The following CNBD1 variants were observed in gnomAD, a reference collection of about 807,000 sequenced individuals.
The protein encoded by CNBD1 is cyclic nucleotide-binding domain-containing protein 1.
CNBD1 carries 71 observed loss-of-function variants against 54.4 expected under a neutral mutation model. The ratio of observed to expected loss-of-function variants is 1.30; its 90% CI spans 1.08 to 1.59. The LOEUF (loss-of-function observed/expected upper bound fraction) is 1.59, where lower values mean the gene tolerates loss of function less well. Ranked by LOEUF, CNBD1 falls within the 40% of genes most tolerant of loss-of-function variation. CNBD1 has a pLI of 0.00. For missense variants in CNBD1, 659 were observed against 518.0 expected (o/e 1.27, Z -2.64); for synonymous variants, 182 against 170.7 (o/e 1.07, Z -0.51).
chr8:87,223,665 A>G (rs1392641451), intron 5 of CNBD1, among the ~76,000 whole-genome samples: 1 of 151,968 alleles, frequency 6.6e-6, no homozygotes, highest in African/African-American at 2.4e-5. Flanking sequence ...GGTTGGTTCC[A>G]AGTCTTTGCT....
chr8:87,358,254 C>G (rs1231974467), intron 10 of CNBD1, among the ~76,000 whole-genome samples: 9 of 152,028 alleles, frequency 5.9e-5, no homozygotes, highest in African/African-American at 2.2e-4. Flanking sequence ...ATAACACTAA[C>G]TCAAAATGAA....
chr8:87,139,194 C>T (rs1812322174), intron 4 of CNBD1, among the ~76,000 whole-genome samples: 1 of 152,136 alleles, frequency 6.6e-6, no homozygotes, highest in African/African-American at 2.4e-5. Flanking sequence ...CTTTAAAGCC[C>T]TGCCATGGAA....
intron 4 of CNBD1, among the ~76,000 whole-genome samples, chr8:87,082,570 GT>G (rs1310623744): frequency 3.3e-5 from 5 of 151,956 alleles, no homozygotes; most frequent in African/African-American, 9.7e-5. Context: ...GAATGGTATA[GT>G]TTTTTTCTTT....
In CNBD1 at chr8:87,024,811, C is replaced by T. The variant is rs866692113; in HGVS notation, c.431+85057C>T. Among the ~76,000 whole-genome samples, 25 of 152,226 alleles carry T rather than the reference C, an allele frequency of 1.6e-4. 1 individual carries two copies. The highest frequency in any genetic ancestry group is 4.8e-4 in the African/African-American group (20 of 41,540). On this transcript the variant is annotated intron_variant, in intron 4 of 10. Coordinates refer to ENST00000518476, the MANE Select transcript of CNBD1 (RefSeq NM_173538.3). ...ACTTTGCTGATTCTGCATCAGTTGC[C>T]ATGGTTTTTGATTGGTGCTTTACTA...
chr8:86,961,787 C>T (rs1173353326), intron 4 of CNBD1, among the ~76,000 whole-genome samples: 1 of 152,216 alleles, frequency 6.6e-6, no homozygotes, highest in Non-Finnish European at 1.5e-5. Flanking sequence ...GGCATTGCAG[C>T]TTTATTTTTC....
chr8:86,994,732 T>C (rs1475001344), intron 4 of CNBD1, among the ~76,000 whole-genome samples: 1 of 151,974 alleles, frequency 6.6e-6, no homozygotes, highest in East Asian at 1.9e-4. Flanking sequence ...AGCCTCAATG[T>C]GTGTGTCGCT....
intron 2 of CNBD1, among the ~76,000 whole-genome samples, chr8:87,425,913 C>T (rs1363738299): frequency 1.3e-5 from 2 of 152,146 alleles, no homozygotes; most frequent in Non-Finnish European, 2.9e-5. Context: ...CGCCCCTCCC[C>T]CAGCCTCACT....
chr8:87,026,718 G>A (rs4320565), intron 4 of CNBD1, among the ~76,000 whole-genome samples: 4,627 of 151,848 alleles, frequency 0.03, 243 homozygotes, highest in African/African-American at 0.1. Context: ...TCTCTTTCCC[G>A]TACTTACTAG....
intron 8 of CNBD1, among the ~76,000 whole-genome samples, chr8:87,344,820 A>G (rs574047455): frequency 1.3e-5 from 2 of 152,296 alleles, no homozygotes; most frequent in South Asian, 4.1e-4. Context: ...CATCTCTGAA[A>G]CAATGCTGCT....
At chr8:87,321,410 T>A (rs1462929317) in intron 8 of CNBD1, among the ~76,000 whole-genome samples, 1 of 152,188 alleles carries the variant, frequency 6.6e-6, no homozygotes, top group Non-Finnish European at 1.5e-5. Flanking sequence ...AGGCAATATC[T>A]CTTTGTGATT....
At chr8:86,904,671 A>G (rs1016886036) in intron 2 of CNBD1, among the ~76,000 whole-genome samples, 3 of 152,102 alleles carry the variant, frequency 2.0e-5, no homozygotes, top group African/African-American at 7.2e-5. Flanking sequence ...GACCTAAAAA[A>G]TACTGCCTGC....
intron 4 of CNBD1, among the ~76,000 whole-genome samples, chr8:87,119,975 G>A (rs1201842272): frequency 6.6e-6 from 1 of 151,916 alleles, no homozygotes; most frequent in Non-Finnish European, 1.5e-5. Context: ...TTAGTGGTTT[G>A]CTGGTATTTT....
intron 2 of CNBD1, among the ~76,000 whole-genome samples, chr8:87,401,349 G>T (rs1453304090): frequency 6.6e-6 from 1 of 151,924 alleles, no homozygotes; most frequent in African/African-American, 2.4e-5. Context: ...TTCAGAAGGG[G>T]AAAGTGTCAA....
chr8:87,282,482 A>G (rs1187386878), intron 6 of CNBD1, among the ~76,000 whole-genome samples: 1 of 151,706 alleles, frequency 6.6e-6, no homozygotes, highest in East Asian at 1.9e-4. Flanking sequence ...CTAAATTGCT[A>G]TTTCAAGTAA....
At chr8:87,231,800 A>G (rs1175803129) in intron 5 of CNBD1, among the ~76,000 whole-genome samples, 1 of 152,150 alleles carries the variant, frequency 6.6e-6, no homozygotes, top group Admixed American at 6.5e-5. Flanking sequence ...AGTGATGTGC[A>G]TATGTATACC....
At chr8:87,365,434 G>A (rs1266313628) in intron 10 of CNBD1, among the ~76,000 whole-genome samples, 3 of 151,872 alleles carry the variant, frequency 2.0e-5, no homozygotes, top group Admixed American at 1.3e-4. Flanking sequence ...ATTTTAACTT[G>A]TAGATGGCAG....
At chr8:87,041,868 T>C (rs544626150) in intron 4 of CNBD1, among the ~76,000 whole-genome samples, 61 of 152,220 alleles carry the variant, frequency 4.0e-4, no homozygotes, top group African/African-American at 1.4e-3. Context: ...GTATGGTTAG[T>C]GTTGTGTTTG....
intron 4 of CNBD1, among the ~76,000 whole-genome samples, chr8:87,171,761 C>T (rs1001642551): frequency 1.3e-5 from 2 of 151,986 alleles, no homozygotes; most frequent in Non-Finnish European, 2.9e-5. Flanking sequence ...CCTCAGCCTC[C>T]CAAGTAGCTG....
At chr8:86,915,622 C>A (rs1358060696) in intron 3 of CNBD1, among the ~76,000 whole-genome samples, 1 of 152,166 alleles carries the variant, frequency 6.6e-6, no homozygotes. Flanking sequence ...CCATAATTTT[C>A]TGTTATAATT....
Sources: gnomAD v4.1 joint callset for allele counts (sites outside exome capture counted in the v4.1 genomes callset) on GRCh38, gnomAD v4.1.1 for gene constraint, MANE v1.5 for transcripts, NCBI Gene and HGNC (gene_info 2026-07-23, HGNC 2026-07-21) for gene names.